SCAPER: variants seen among roughly 807,000 people sequenced by gnomAD.
SCAPER encodes the protein S phase cyclin A-associated protein in the endoplasmic reticulum.
Under a neutral mutation model 182.2 loss-of-function variants are expected in SCAPER, and 98 were observed. That is an observed-to-expected ratio of 0.54 (90% CI 0.46 to 0.64). The LOEUF is 0.64. Ranked by LOEUF, SCAPER falls within the 30% of genes least tolerant of loss-of-function variation. The pLI, the probability that SCAPER is intolerant of heterozygous loss-of-function variation, is 0.00. For missense variants in SCAPER, 1,432 were observed against 1,690.0 expected (o/e 0.85, Z 2.68); for synonymous variants, 605 against 564.6 (o/e 1.07, Z -1.01).
chr15:76,362,355 C>T (rs2041488212), intron 29 of SCAPER, among the ~76,000 whole-genome samples: 1 of 151,564 alleles, frequency 6.6e-6, no homozygotes. Flanking sequence ...CCATACCAAA[C>T]CATGACACTA....
intron 2 of SCAPER, among the ~76,000 whole-genome samples, chr15:76,874,091 A>G (rs2072980061): frequency 6.6e-6 from 1 of 152,014 alleles, no homozygotes; most frequent in Admixed American, 6.6e-5. Flanking sequence ...ACAGCGTTTC[A>G]CCACGTTGGG....
intron 14 of SCAPER, among the ~76,000 whole-genome samples, chr15:76,757,798 C>G (rs1489742588): frequency 6.6e-6 from 1 of 152,136 alleles, no homozygotes; most frequent in Non-Finnish European, 1.5e-5. Context: ...AATAGCCATC[C>G]TAACAAGTGT....
intron 2 of SCAPER, among the ~76,000 whole-genome samples, chr15:76,881,246 T>A (rs1453245587): frequency 6.6e-6 from 1 of 152,122 alleles, no homozygotes; most frequent in Non-Finnish European, 1.5e-5. Context: ...AAGGTGCATA[T>A]CACCATGCCA....
At chr15:76,652,256 TA>T (rs1160100739) in intron 21 of SCAPER, among the ~76,000 whole-genome samples, 19 of 5,684 alleles carry the variant, frequency 3.3e-3, no homozygotes, top group East Asian at 6.9e-3. Context: ...GTGTCTCTGC[TA>T]AAAAAAAAAA....
Position 76,850,383 on chromosome 15 carries a change from T to C in SCAPER, c.195+7426A>G, listed in dbSNP as rs1461254368. 2.0e-5 allele frequency among the ~76,000 whole-genome samples: 3 copies of C among 152,154 alleles called. No homozygotes were observed. In the East Asian group the frequency reaches 5.8e-4, roughly 29 times the overall value. ...GAATGCAGAACAGTCACCCCAGCCA[T>C]GGCTGAGCATACCCACTGTTAGTGA... is the stretch of plus-strand genomic sequence containing the variant. On this transcript the variant is annotated intron_variant, in intron 4 of 31. Transcript: ENST00000563290.
At chr15:76,351,168 G>C in intron 31 of SCAPER, 69 bp downstream of exon 31, 1 of 1,369,674 alleles carries the variant, frequency 7.3e-7, no homozygotes, top group Admixed American at 2.2e-5. Context: ...AGCAGTTCCA[G>C]AGGAAAGGAT....
At chr15:76,401,596 G>A (rs974336052) in intron 27 of SCAPER, among the ~76,000 whole-genome samples, 1 of 152,078 alleles carries the variant, frequency 6.6e-6, no homozygotes, top group African/African-American at 2.4e-5. Context: ...AGCTCTTGTA[G>A]CCCTTTGCAC....
At chr15:76,502,584 A>AG (rs946252470) in intron 24 of SCAPER, among the ~76,000 whole-genome samples, 2 of 108,122 alleles carry the variant, frequency 1.8e-5, no homozygotes, top group Admixed American at 2.0e-4. Context: ...GGGTGGGAGG[A>AG]GGGGGGAGGG....
At chr15:76,590,090 G>A (rs1030992025) in intron 22 of SCAPER, among the ~76,000 whole-genome samples, 1 of 152,104 alleles carries the variant, frequency 6.6e-6, no homozygotes, top group Non-Finnish European at 1.5e-5. Context: ...GGATTCTCTC[G>A]GCTTTGCTGG....
At chr15:76,730,120 GA>G (rs1225290337) in intron 16 of SCAPER, among the ~76,000 whole-genome samples, 1 of 151,248 alleles carries the variant, frequency 6.6e-6, no homozygotes, top group Non-Finnish European at 1.5e-5. Context: ...AAAGATAGCA[GA>G]AAAAAAATAA....
chr15:76,636,097 A>G (rs1372775455), intron 21 of SCAPER, among the ~76,000 whole-genome samples: 1 of 152,182 alleles, frequency 6.6e-6, no homozygotes, highest in African/African-American at 2.4e-5. Flanking sequence ...TCTACTAGTG[A>G]CAAACAATTC....
intron 24 of SCAPER, chr15:76,472,017 G>T: frequency 4.3e-6 from 1 of 232,732 alleles, no homozygotes; most frequent in South Asian, 6.0e-5. Flanking sequence ...TGTGAAGAAG[G>T]GGCAAGAATG....
intron 15 of SCAPER, among the ~76,000 whole-genome samples, chr15:76,734,446 AT>A (rs2061120846): frequency 6.6e-6 from 1 of 152,212 alleles, no homozygotes; most frequent in African/African-American, 2.4e-5. Flanking sequence ...ACGTTAAGAT[AT>A]TTTATAAATC....
At chr15:76,847,353 T>C (rs2151808955) in intron 4 of SCAPER, among the ~76,000 whole-genome samples, 1 of 149,020 alleles carries the variant, frequency 6.7e-6, no homozygotes, top group East Asian at 2.0e-4. Context: ...AAATAAATAG[T>C]AACAAATAAA....
At chr15:76,468,445 G>A (rs960097194) in intron 25 of SCAPER, among the ~76,000 whole-genome samples, 8 of 152,126 alleles carry the variant, frequency 5.3e-5, no homozygotes, top group Non-Finnish European at 1.2e-4. Flanking sequence ...AAGCTTTTCT[G>A]AGGTCAAGAA....
chr15:76,831,169 C>T (rs1207515619), intron 5 of SCAPER, among the ~76,000 whole-genome samples: 3 of 152,184 alleles, frequency 2.0e-5, no homozygotes, highest in Non-Finnish European at 2.9e-5. Flanking sequence ...TTCCCCAAGG[C>T]TTGCCATACT....
chr15:76,592,421 G>A (rs1386411269), intron 22 of SCAPER, among the ~76,000 whole-genome samples: 2 of 122,042 alleles, frequency 1.6e-5, no homozygotes, highest in African/African-American at 5.0e-5. Context: ...AAGATAGACA[G>A]TTGAATAAGT....
At chr15:76,626,273 C>T (rs2052563245) in intron 21 of SCAPER, among the ~76,000 whole-genome samples, 1 of 152,076 alleles carries the variant, frequency 6.6e-6, no homozygotes, top group Non-Finnish European at 1.5e-5. Flanking sequence ...CCATTTGATT[C>T]ACTTTTAGCA....
chr15:76,365,806 G>A lies in SCAPER; in HGVS notation c.3855+10356C>T, dbSNP rs1279433655. On this transcript the variant is annotated intron_variant, in intron 29 of 31. Transcript: ENST00000563290. ...GTAAGTCCTTCTCCTCTCTGGAAAT[G>A]AGGGGAGTTTGAATAGATGATCTCT... Among the ~76,000 whole-genome samples the A allele has an allele frequency of 2.6e-5, 4 of 152,286 alleles. No individual in the cohort carries two copies. The East Asian group carries it at 7.7e-4, about 29-fold the overall frequency.
Sources: gnomAD v4.1 joint callset for allele counts (sites outside exome capture counted in the v4.1 genomes callset) on GRCh38, gnomAD v4.1.1 for gene constraint, MANE v1.5 for transcripts, NCBI Gene and HGNC (gene_info 2026-07-23, HGNC 2026-07-21) for gene names.